The following CUBN variants were observed in gnomAD, a reference collection of about 807,000 sequenced individuals.
The protein encoded by CUBN is 460 kDa receptor.
A neutral mutation model predicts 405.3 loss-of-function variants in CUBN; 282 were observed. The observed-to-expected ratio is 0.70, with a 90% CI of 0.63 to 0.77. The LOEUF is 0.77. Ranked by LOEUF, CUBN falls within the 30% of genes least tolerant of loss-of-function variation. The pLI, the probability that CUBN is intolerant of heterozygous loss-of-function variation, is 0.00. For synonymous variants in CUBN, 1,684 were observed against 1,617.0 expected (o/e 1.04, Z -0.99); for missense variants, 4,514 against 4,475.2 (o/e 1.01, Z -0.25).
intron 54 of CUBN, among the ~76,000 whole-genome samples, chr10:16,896,729 A>G (rs1369522808): frequency 2.6e-5 from 4 of 152,210 alleles, no homozygotes; most frequent in African/African-American, 9.7e-5. Context: ...GAAAGTTTAC[A>G]GCCACTAGTT....
chr10:16,970,185 C>T (rs1588534036), intron 31 of CUBN, among the ~76,000 whole-genome samples: 1 of 152,248 alleles, frequency 6.6e-6, no homozygotes, highest in Non-Finnish European at 1.5e-5. Flanking sequence ...CTCCTGACTT[C>T]AAAGCAAGGA....
At chr10:17,092,005 T>G (rs995688731) in intron 14 of CUBN, among the ~76,000 whole-genome samples, 4 of 152,168 alleles carry the variant, frequency 2.6e-5, no homozygotes, top group African/African-American at 7.2e-5. Context: ...TATTCTTTCT[T>G]GTGAAAGGTC....
At position 16,906,386 on chromosome 10, in the gene CUBN, T is replaced by C; in HGVS notation, c.7729A>G (p.Thr2577Ala). Reference protein sequence around the residue: ...DAVCGGSLPNTPEGNFTSPGY... With the variant: ...DAVCGGSLPNAPEGNFTSPGY... ...GGAGAAGTAAAGTTTCCTTCAGGAG[T>C]ATTTGGAAGAGACCCACCACACACT... is the stretch of plus-strand genomic sequence containing the variant. Residue 2577 changes from threonine (T) to alanine (A), a missense_variant, in exon 50 of 67, where the codon ACT (threonine) becomes GCT (alanine). Thr to Ala is a moderately conservative substitution (Grantham distance 58). This residue lies in a region of CUBN where 1,613 missense variants were observed against 1,542.8 expected (regional missense o/e 1.05). Coordinates refer to ENST00000377833, the MANE Select transcript of CUBN (RefSeq NM_001081.4). The C allele has an allele frequency of 1.9e-6, 3 of 1,613,678 alleles. No homozygotes were observed. Among genetic ancestry groups the C allele is most frequent in the Non-Finnish European group, 2.5e-6 (3 of 1,179,720 alleles).
chr10:17,085,833 C>G, intron 15 of CUBN, 74 bp from the exon 16 acceptor site: 1 of 1,318,994 alleles, frequency 7.6e-7, no homozygotes, highest in Non-Finnish European at 1.1e-6. Flanking sequence ...TGGATATTAA[C>G]TTCATAAAAT....
rs71287326 is a variant in CUBN at position 16,829,342 on chromosome 10, G to GAA, written c.10529-304_10529-303dup. Among the ~76,000 whole-genome samples, 27,978 of 120,424 alleles carry GAA rather than the reference G, an allele frequency of 0.23. 3,453 individuals carry two copies. Among genetic ancestry groups the GAA allele is most frequent in the East Asian group, 0.45 (1,755 of 3,876 alleles). The allele number at this position is 120,424 out of a possible 152,430, so 79.0% of individuals were successfully genotyped here. A position where few individuals can be genotyped will look rare whatever the true frequency, so the allele number is the denominator to read the frequency against. On this transcript the variant is annotated intron_variant, in intron 65 of 66. Transcript: ENST00000377833. Reference sequence around the variant, plus strand: ...AAAATTGGGGGTTGAGAGCAGAATGGAAAAAAAAAAAAAAAACAAACTTGA... The same window carrying GAA: ...AAAATTGGGGGTTGAGAGCAGAATGGAAAAAAAAAAAAAAAAAACAAACTTGA...
intron 59 of CUBN, among the ~76,000 whole-genome samples, chr10:16,851,847 CCTCA>C (rs1839703494): frequency 7.3e-6 from 1 of 137,298 alleles, no homozygotes; most frequent in Non-Finnish European, 1.6e-5. Flanking sequence ...TCTTTCCCTC[CCTCA>C]CTCTCTTTCC....
At position 16,864,903 on chromosome 10, in the gene CUBN, G is replaced by C. The variant is rs192055591; in HGVS notation, c.9454+4733C>G. Among the ~76,000 whole-genome samples the C allele has an allele frequency of 5.7e-3, 830 of 146,312 alleles. 6 individuals carry two copies. The highest frequency in any genetic ancestry group is 9.1e-3 in the Non-Finnish European group (611 of 67,254). ...GACCTCAGGTGATTCACACACCTCG[G>C]CCTCCCAAAGTGCTGAGATTACAGG... On this transcript the variant is annotated intron_variant, in intron 59 of 66. Transcript: ENST00000377833.
At chr10:17,086,452 G>A (rs1382889573) in intron 15 of CUBN, among the ~76,000 whole-genome samples, 1 of 152,128 alleles carries the variant, frequency 6.6e-6, no homozygotes, top group Non-Finnish European at 1.5e-5. Context: ...ACTTGGTCCA[G>A]GTTTTCAGAA....
chr10:16,831,284 C>T lies in CUBN; in HGVS notation c.10496G>A (p.Gly3499Glu). 6.2e-7 allele frequency: 1 copy of T among 1,614,048 alleles called. No individual in the cohort carries two copies. The highest frequency in any genetic ancestry group is 8.5e-7 in the Non-Finnish European group (1 of 1,179,954). Residue 3499 changes from glycine to glutamate, a missense_variant, in exon 65 of 67, where the codon GGA (glycine) becomes GAA (glutamate). Physicochemically the swap from Gly to Glu is moderately conservative, Grantham distance 98. Transcript: ENST00000377833. ...FKSDSVTSDR[G>E]YEIIWTSSPS... ...TGATGAAGTCCAGATGATTTCATATCCACGATCAGAAGTTACACTATCACT... is the reference window on the plus strand; with the variant it reads ...TGATGAAGTCCAGATGATTTCATATTCACGATCAGAAGTTACACTATCACT...
At chr10:17,011,715 T>C (rs1303129596) in intron 28 of CUBN, among the ~76,000 whole-genome samples, 1 of 152,128 alleles carries the variant, frequency 6.6e-6, no homozygotes, top group African/African-American at 2.4e-5. Context: ...AGAGCGCAGA[T>C]TGGTCCATTT....
chr10:16,938,421 C>G (rs2131603925), intron 38 of CUBN, among the ~76,000 whole-genome samples: 1 of 152,080 alleles, frequency 6.6e-6, no homozygotes, highest in South Asian at 2.1e-4. Context: ...AATACTCTAC[C>G]AAACAAATTA....
Position 16,901,564 on chromosome 10 carries a change from CAT to C in CUBN, c.8063-107_8063-106del. On this transcript the variant is annotated intron_variant, in intron 51 of 66. Transcript: ENST00000377833. ...AACCATCAGATTTTGTGATTAAAAA[CAT>C]AGTAAGGCCAGGCATGGTGGCTCAC... 9 of 1,449,224 alleles carry C rather than the reference CAT, an allele frequency of 6.2e-6. No homozygotes were observed. In the South Asian group the frequency reaches 1.1e-4, roughly 17 times the overall value. The allele number at this position is 1,449,224 out of a possible 1,614,324, so 89.8% of individuals were successfully genotyped here. A position where few individuals can be genotyped will look rare whatever the true frequency, so the allele number is the denominator to read the frequency against.
rs1838702510 is a variant in CUBN, at chr10:16,824,090, C to T, written c.*885G>A. On this transcript the variant is annotated 3_prime_UTR_variant, in exon 67 of 67. Transcript: ENST00000377833. ...TTTGAGATAGGGTCTCAGTCTGTCA[C>T]CCAGGCTGGAGTACAGTGGTTAATT... 6.6e-6 allele frequency: 1 copy of T among 152,156 alleles called. No homozygotes were observed. The highest frequency in any genetic ancestry group is 6.5e-5 in the Admixed American group (1 of 15,278). The allele number at this position is 152,156 out of a possible 1,614,324, so 9.4% of individuals were successfully genotyped here. A position where few individuals can be genotyped will look rare whatever the true frequency, so the allele number is the denominator to read the frequency against.
rs570292159 is a variant in CUBN at position 16,920,644 on chromosome 10, A to G, written c.6647-507T>C. On this transcript the variant is annotated intron_variant, in intron 43 of 66. Transcript: ENST00000377833. ...GCATTTGAGAACCAAGATCAATGGAATGAAATAATTTATTAGTAATGTTAT... is the reference window on the plus strand; with the variant it reads ...GCATTTGAGAACCAAGATCAATGGAGTGAAATAATTTATTAGTAATGTTAT... 3.9e-5 allele frequency among the ~76,000 whole-genome samples: 6 copies of G among 152,356 alleles called. No individual in the cohort carries two copies. In the South Asian group the frequency reaches 1.2e-3, roughly 32 times the overall value.
intron 28 of CUBN, among the ~76,000 whole-genome samples, chr10:17,013,139 A>G (rs1834229250): frequency 1.3e-5 from 2 of 152,190 alleles, no homozygotes. Context: ...GGAATAGGGT[A>G]CACTGTTTTT....
intron 30 of CUBN, 96 bp from the exon 31 acceptor site, chr10:16,982,749 T>C (rs1484276766): frequency 3.5e-6 from 4 of 1,131,306 alleles, no homozygotes; most frequent in African/African-American, 1.5e-5. Flanking sequence ...TTACTTTGCT[T>C]GAATCAGTTA....
intron 26 of CUBN, among the ~76,000 whole-genome samples, chr10:17,043,345 A>T (rs1306394939): frequency 1.3e-5 from 2 of 152,186 alleles, no homozygotes; most frequent in Non-Finnish European, 2.9e-5. Context: ...ACTCACATGG[A>T]CCACAGCTTT....
chr10:17,054,040 A>C (rs1470123182), intron 22 of CUBN, among the ~76,000 whole-genome samples: 1 of 152,050 alleles, frequency 6.6e-6, no homozygotes, highest in Non-Finnish European at 1.5e-5. Context: ...AAACATTAAA[A>C]TTTGGGAGGT....
At chr10:16,869,558 G>A (rs769403655) in intron 59 of CUBN, 78 bp downstream of exon 59, 38 of 488,626 alleles carry the variant, frequency 7.8e-5, no homozygotes, top group South Asian at 3.7e-4. Context: ...AGGTGGGGGT[G>A]GGGGGGGGGC....
Sources: gnomAD v4.1 joint callset for allele counts (sites outside exome capture counted in the v4.1 genomes callset) on GRCh38, gnomAD v4.1.1 for gene constraint, gnomAD v4.1.1 regional missense constraint, MANE v1.5 for transcripts, NCBI Gene and HGNC (gene_info 2026-07-23, HGNC 2026-07-21) for gene names.